NTN1: variants seen among roughly 807,000 people sequenced by gnomAD.
The protein encoded by NTN1 is netrin 1.
In NTN1, 11 loss-of-function variants were observed where a neutral mutation model predicts 54.2. The observed-to-expected ratio is 0.20, with a 90% confidence interval of 0.13 to 0.34. The LOEUF (loss-of-function observed/expected upper bound fraction) is 0.34, where lower values mean the gene tolerates loss of function less well. NTN1 is among the 10% of genes least tolerant of loss of function. The pLI, the probability that NTN1 is intolerant of heterozygous loss-of-function variation, is 1.00. For missense variants in NTN1, 740 were observed against 893.1 expected (o/e 0.83, Z 2.18); for synonymous variants, 371 against 382.0 (o/e 0.97, Z 0.33).
At chr17:9,225,009 TGGG>T (rs1905487951) in intron 6 of NTN1, among the ~76,000 whole-genome samples, 1 of 152,088 alleles carries the variant, frequency 6.6e-6, no homozygotes, top group Non-Finnish European at 1.5e-5. Context: ...ACTTAAAAGT[TGGG>T]GGCACTTCGG....
In NTN1 at chr17:9,162,807, C is replaced by T; in HGVS notation, c.1019-6C>T. ...GGCTGACACCTCTCTCTGTCTCCCC[C>T]TGCAGCCTGTAACTGCAACCTGCAT... On this transcript the variant is annotated splice_region_variant and splice_polypyrimidine_tract_variant and intron_variant, in intron 2 of 6. Coordinates refer to ENST00000173229, the MANE Select transcript of NTN1 (RefSeq NM_004822.3). The T allele has an allele frequency of 1.2e-6, 2 of 1,607,392 alleles. No homozygotes were observed. Among genetic ancestry groups the T allele is most frequent in the Non-Finnish European group, 1.7e-6 (2 of 1,174,816 alleles).
rs190044667 is a variant in NTN1 at position 9,091,340 on chromosome 17, A to G, written c.1018+67949A>G. Among the ~76,000 whole-genome samples, 335 of 152,132 alleles carry G rather than the reference A, an allele frequency of 2.2e-3. 2 individuals are homozygous for G. The highest frequency in any genetic ancestry group is 7.7e-3 in the African/African-American group (321 of 41,502). On this transcript the variant is annotated intron_variant, in intron 2 of 6. Transcript: ENST00000173229. The stretch of plus-strand genomic sequence containing the variant: ...AGGATCATAGCTCACTGCAGCCTCA[A>G]AACTCCTAGGTTCAAGGGATCCTTC...
chr17:9,152,602 C>T (rs943439606), intron 2 of NTN1, among the ~76,000 whole-genome samples: 2 of 152,194 alleles, frequency 1.3e-5, no homozygotes, highest in Non-Finnish European at 2.9e-5. Context: ...CTGGCTTCCA[C>T]CCTGAGGCTT....
At chr17:9,112,747 CG>C (rs1188161236) in intron 2 of NTN1, among the ~76,000 whole-genome samples, 1 of 146,692 alleles carries the variant, frequency 6.8e-6, no homozygotes. Flanking sequence ...ATGGTGTGAA[CG>C]CTGCGGGGTG....
intron 6 of NTN1, among the ~76,000 whole-genome samples, chr17:9,226,283 C>T (rs867668836): frequency 3.5e-4 from 53 of 152,202 alleles, no homozygotes; most frequent in Middle Eastern, 3.4e-3. Flanking sequence ...CAGGGAGCTT[C>T]GCCGCCGGGG....
chr17:9,019,736 C>G (rs1567690663), upstream of NTN1, among the ~76,000 whole-genome samples: 1 of 152,226 alleles, frequency 6.6e-6, no homozygotes, highest in Non-Finnish European at 1.5e-5. Flanking sequence ...GAAGCGTTTC[C>G]TCCTAAGAGC....
intron 2 of NTN1, among the ~76,000 whole-genome samples, chr17:9,150,620 C>T (rs577100692): frequency 1.6e-4 from 24 of 152,322 alleles, no homozygotes; most frequent in African/African-American, 5.3e-4. Context: ...GGGGCCCGCC[C>T]GCCGGGCAGG....
chr17:9,225,592 A>C (rs1349547544), intron 6 of NTN1, among the ~76,000 whole-genome samples: 1 of 152,174 alleles, frequency 6.6e-6, no homozygotes, highest in African/African-American at 2.4e-5. Flanking sequence ...CCCCCTGAGA[A>C]GGTGTGTAAG....
chr17:9,047,767 T>C (rs2142196089), intron 2 of NTN1, among the ~76,000 whole-genome samples: 1 of 151,974 alleles, frequency 6.6e-6, no homozygotes, highest in East Asian at 1.9e-4. Flanking sequence ...CGATCTCGGC[T>C]CACTGCATCC....
At chr17:9,026,738 C>T (rs2091872460) in intron 2 of NTN1, among the ~76,000 whole-genome samples, 1 of 151,012 alleles carries the variant, frequency 6.6e-6, no homozygotes, top group Admixed American at 6.7e-5. Flanking sequence ...TCATTGTCCC[C>T]CTGACGTCGG....
At chr17:9,097,178 C>T (rs1376918986) in intron 2 of NTN1, among the ~76,000 whole-genome samples, 1 of 152,112 alleles carries the variant, frequency 6.6e-6, no homozygotes, top group East Asian at 1.9e-4. Context: ...GAAAACATTT[C>T]AAATAGTACA....
intron 2 of NTN1, among the ~76,000 whole-genome samples, chr17:9,144,667 C>T (rs1229602827): frequency 4.6e-5 from 7 of 152,192 alleles, no homozygotes; most frequent in South Asian, 2.1e-4. Flanking sequence ...AGGTGACTGG[C>T]GCAGGCCGCA....
intron 6 of NTN1, among the ~76,000 whole-genome samples, chr17:9,228,827 T>TGTGC (rs1447362695): frequency 7.4e-6 from 1 of 134,884 alleles, no homozygotes; most frequent in Non-Finnish European, 1.6e-5. Flanking sequence ...CAGCTGTGTG[T>TGTGC]GTGTGTGTGT....
chr17:9,006,956 C>T, the NTN1 span, among the ~76,000 whole-genome samples: 1 of 152,258 alleles, frequency 6.6e-6, no homozygotes, highest in Non-Finnish European at 1.5e-5. Flanking sequence ...CCAGCTTCTC[C>T]ACCGCCATCA....
chr17:9,120,733 C>T (rs555988311), intron 2 of NTN1, among the ~76,000 whole-genome samples: 5 of 152,292 alleles, frequency 3.3e-5, no homozygotes, highest in Admixed American at 6.5e-5. Flanking sequence ...CCAGGGAGTC[C>T]CCCCAGCCCC....
At chr17:9,125,680 A>G (rs1418536998) in intron 2 of NTN1, among the ~76,000 whole-genome samples, 1 of 152,110 alleles carries the variant, frequency 6.6e-6, no homozygotes, top group Non-Finnish European at 1.5e-5. Context: ...ATCATAGCTC[A>G]CTGCAGCTTC....
At chr17:9,050,356 T>C (rs949075352) in intron 2 of NTN1, among the ~76,000 whole-genome samples, 1 of 151,724 alleles carries the variant, frequency 6.6e-6, no homozygotes, top group African/African-American at 2.4e-5. Context: ...TAGAAGGAAC[T>C]TGGGCTTTGG....
chr17:9,023,042 G>A lies in NTN1; in HGVS notation c.669G>A (p.Leu223=), dbSNP rs2091858250. The part of the protein sequence containing the change: ...LSGGLIAFST[L]DGRPSAHDFD... Reference sequence around the variant, plus strand: ...GCGGCCTCATCGCCTTCAGCACGCTGGACGGGCGGCCCTCGGCGCACGACT... The same window carrying A: ...GCGGCCTCATCGCCTTCAGCACGCTAGACGGGCGGCCCTCGGCGCACGACT... Residue 223 remains leucine, a synonymous_variant, in exon 2 of 7, where the codon CTG becomes CTA. Transcript: ENST00000173229. 2 of 1,591,820 alleles carry A rather than the reference G, an allele frequency of 1.3e-6. No individual in the cohort carries two copies. Among genetic ancestry groups the A allele is most frequent in the Non-Finnish European group, 8.5e-7 (1 of 1,170,770 alleles).
intron 2 of NTN1, among the ~76,000 whole-genome samples, chr17:9,144,716 C>A (rs751109337): frequency 6.6e-6 from 1 of 152,258 alleles, no homozygotes; most frequent in Non-Finnish European, 1.5e-5. Context: ...CCTCTTAGCA[C>A]CTCGCTCCCC....
Sources: allele counts gnomAD v4.1 joint callset (sites outside exome capture counted in the v4.1 genomes callset), GRCh38; gene constraint gnomAD v4.1.1; transcripts MANE v1.5; gene names NCBI Gene and HGNC (gene_info 2026-07-23, HGNC 2026-07-21).